NELL1: variants seen among roughly 807,000 people sequenced by gnomAD.
NELL1 encodes neural EGFL like 1.
NELL1 carries 76 observed loss-of-function variants against 107.4 expected under a neutral mutation model. That is an observed-to-expected ratio of 0.71 (90% CI 0.59 to 0.86). The LOEUF (loss-of-function observed/expected upper bound fraction) is 0.86, where lower values mean the gene tolerates loss of function less well. Ranked by LOEUF, NELL1 falls within the 40% of genes least tolerant of loss-of-function variation. NELL1 has a pLI of 0.00. For missense variants in NELL1, 1,024 were observed against 1,005.5 expected, an observed-to-expected ratio of 1.02 and a Z score of -0.25; for synonymous variants, 353 against 341.2, an observed-to-expected ratio of 1.03 and a Z score of -0.38.
At chr11:20,856,841 T>C (rs1308977646) in intron 4 of NELL1, among the ~76,000 whole-genome samples, 1 of 152,234 alleles carries the variant, frequency 6.6e-6, no homozygotes, top group African/African-American at 2.4e-5. Context: ...CTAGAGATGA[T>C]TGATACATTC....
intron 13 of NELL1, among the ~76,000 whole-genome samples, chr11:21,186,921 G>A (rs1856947041): frequency 6.6e-6 from 1 of 151,782 alleles, no homozygotes; most frequent in Admixed American, 6.6e-5. Flanking sequence ...AGGTTGATTT[G>A]GTTGTCAATT....
chr11:21,175,762 T>A (rs1180152002), intron 13 of NELL1, among the ~76,000 whole-genome samples: 1 of 151,872 alleles, frequency 6.6e-6, no homozygotes, highest in Non-Finnish European at 1.5e-5. Flanking sequence ...CGATGTTTTG[T>A]CTTTGTGCAC....
chr11:20,933,137 A>T (rs1409337441), intron 9 of NELL1, among the ~76,000 whole-genome samples: 1 of 152,234 alleles, frequency 6.6e-6, no homozygotes, highest in Non-Finnish European at 1.5e-5. Context: ...AGGCTACTGC[A>T]TCAAGAGAGC....
At chr11:20,779,594 C>A (rs557963852) in intron 2 of NELL1, among the ~76,000 whole-genome samples, 222 of 152,196 alleles carry the variant, frequency 1.5e-3, no homozygotes, top group African/African-American at 5.2e-3. Flanking sequence ...CTTTTAACTC[C>A]AGGAAAAAAG....
At chr11:21,262,695 G>C (rs1194543331) in intron 14 of NELL1, 1 of 151,718 alleles carries the variant, frequency 6.6e-6, no homozygotes, top group Non-Finnish European at 1.5e-5. Flanking sequence ...CTTTGGTTTT[G>C]AAATCCATTG....
At chr11:20,718,876 C>A (rs968991952) in intron 2 of NELL1, among the ~76,000 whole-genome samples, 3 of 152,142 alleles carry the variant, frequency 2.0e-5, no homozygotes, top group Non-Finnish European at 4.4e-5. Context: ...CTGGATTGCA[C>A]TGTAGCTAGT....
At chr11:21,290,355 C>A (rs1849222273) in intron 14 of NELL1, among the ~76,000 whole-genome samples, 1 of 150,256 alleles carries the variant, frequency 6.7e-6, no homozygotes, top group African/African-American at 2.5e-5. Context: ...GGTGACAGAG[C>A]AAGACGCCAT....
intron 13 of NELL1, among the ~76,000 whole-genome samples, chr11:21,136,023 T>C (rs1809800968): frequency 6.6e-6 from 1 of 152,196 alleles, no homozygotes; most frequent in Non-Finnish European, 1.5e-5. Flanking sequence ...TCAGTTGTTA[T>C]AAGTGCTGCG....
At chr11:21,219,893 A>T (rs536161757) in intron 13 of NELL1, among the ~76,000 whole-genome samples, 1 of 152,184 alleles carries the variant, frequency 6.6e-6, no homozygotes, top group Admixed American at 6.6e-5. Context: ...TACAGGAAGC[A>T]TGGCTTCAGA....
At chr11:20,860,491 T>C (rs1324437234) in intron 4 of NELL1, among the ~76,000 whole-genome samples, 1 of 152,180 alleles carries the variant, frequency 6.6e-6, no homozygotes. Context: ...TTTGCCTCAG[T>C]CTCCTCATCT....
At chr11:21,450,048 T>A (rs1564899657) in intron 15 of NELL1, among the ~76,000 whole-genome samples, 2 of 152,208 alleles carry the variant, frequency 1.3e-5, no homozygotes, top group Non-Finnish European at 2.9e-5. Context: ...AATTCCTAGC[T>A]TGCCTAGTTG....
At chr11:21,168,215 T>C (rs1856526648) in intron 13 of NELL1, among the ~76,000 whole-genome samples, 1 of 151,892 alleles carries the variant, frequency 6.6e-6, no homozygotes. Context: ...CTCTGATAAA[T>C]GGGCATCCAA....
At chr11:21,212,980 T>C (rs1857533755) in intron 13 of NELL1, among the ~76,000 whole-genome samples, 1 of 152,198 alleles carries the variant, frequency 6.6e-6, no homozygotes, top group South Asian at 2.1e-4. Context: ...ATAAAAATGT[T>C]GTAGAACTAA....
intron 2 of NELL1, among the ~76,000 whole-genome samples, chr11:20,690,668 C>T (rs1182312999): frequency 2.0e-5 from 3 of 151,900 alleles, no homozygotes; most frequent in Admixed American, 6.6e-5. Flanking sequence ...CAGTACCATG[C>T]TGTTTTGGTT....
At chr11:20,777,305 G>A (rs1467056271) in intron 2 of NELL1, among the ~76,000 whole-genome samples, 1 of 152,238 alleles carries the variant, frequency 6.6e-6, no homozygotes, top group Non-Finnish European at 1.5e-5. Context: ...CAGGGCATTA[G>A]CCCTGCCCTT....
chr11:21,297,259 T>C (rs1337466329), intron 14 of NELL1, among the ~76,000 whole-genome samples: 1 of 152,024 alleles, frequency 6.6e-6, no homozygotes, highest in Non-Finnish European at 1.5e-5. Context: ...CAGGGTGATA[T>C]GGTCATAGAC....
At chr11:20,712,425 T>C (rs1855136293) in intron 2 of NELL1, among the ~76,000 whole-genome samples, 2 of 152,128 alleles carry the variant, frequency 1.3e-5, no homozygotes, top group South Asian at 4.1e-4. Context: ...AGCTTAATAA[T>C]CAACCTTCTG....
chr11:20,704,524 TG>T (rs1287979161), intron 2 of NELL1, among the ~76,000 whole-genome samples: 3 of 152,228 alleles, frequency 2.0e-5, no homozygotes, highest in Non-Finnish European at 2.9e-5. Flanking sequence ...AATATTAGTA[TG>T]TGTGAATTTG....
chr11:20,705,282 A>G (rs1469790048), intron 2 of NELL1, among the ~76,000 whole-genome samples: 1 of 152,208 alleles, frequency 6.6e-6, no homozygotes, highest in Non-Finnish European at 1.5e-5. Context: ...AGGCTACAGT[A>G]ACCAAAACAG....
Sources: gnomAD v4.1 joint callset for allele counts (sites outside exome capture counted in the v4.1 genomes callset) on GRCh38, gnomAD v4.1.1 for gene constraint, MANE v1.5 for transcripts, NCBI Gene and HGNC (gene_info 2026-07-23, HGNC 2026-07-21) for gene names.